The following MED14 variants were observed in gnomAD, a reference collection of about 807,000 sequenced individuals.
MED14 encodes mediator complex subunit 14, also known as mediator of RNA polymerase II transcription subunit 14.
MED14 carries 8 observed loss-of-function variants against 109.0 expected under a neutral mutation model. The observed-to-expected ratio is 0.07, with a 90% CI of 0.04 to 0.13. The LOEUF is 0.13. Ranked by LOEUF, MED14 falls within the 10% of genes least tolerant of loss-of-function variation. MED14 has a pLI of 1.00. For missense variants in MED14, 711 were observed against 1,142.4 expected (o/e 0.62, Z 5.44); for synonymous variants, 399 against 408.7 (o/e 0.98, Z 0.29).
At chrX:40,655,435 A>T (rs1455810127) in intron 28 of MED14, among the ~76,000 whole-genome samples, 1 of 110,936 alleles carries the variant, frequency 9.0e-6, no homozygotes, top group Non-Finnish European at 1.9e-5. Flanking sequence ...CTTCCAGTCC[A>T]TCCTCATACC....
At chrX:40,670,184 C>G (rs1012544627) in intron 23 of MED14, among the ~76,000 whole-genome samples, 1 of 111,852 alleles carries the variant, frequency 8.9e-6, no homozygotes, top group African/African-American at 3.3e-5. Flanking sequence ...TGTGGGATGT[C>G]GAGCAGCCCA....
chrX:40,671,743 A>C lies in MED14; in HGVS notation c.3133+118T>G, dbSNP rs953263094. 1.1e-5 allele frequency: 5 copies of C among 442,950 alleles called. No homozygotes were observed. In the African/African-American group the frequency reaches 1.2e-4, roughly 11 times the overall value. The allele number at this position is 442,950 out of a possible 1,213,427, so 36.5% of individuals were successfully genotyped here. On this transcript the variant is annotated intron_variant, in intron 23 of 30. Transcript: ENST00000324817. ...AGTGACAACTATCTAGCCATAGACT[A>C]GAAAGGGAATTCTCTCTGAAGCCTG...
chrX:40,734,062 G>A (rs1466873408), intron 1 of MED14, among the ~76,000 whole-genome samples: 1 of 112,003 alleles, frequency 8.9e-6, no homozygotes, highest in Non-Finnish European at 1.9e-5. Context: ...ACCACCGATA[G>A]CAGCAGTTTT....
intron 3 of MED14, among the ~76,000 whole-genome samples, chrX:40,720,552 C>A (rs781707284): frequency 9.0e-6 from 1 of 111,556 alleles, no homozygotes; most frequent in African/African-American, 3.3e-5. Context: ...CCTAGGTAAA[C>A]ATGAAAGGCT....
In MED14 at chrX:40,682,505, T is replaced by C. The variant is rs184025031; in HGVS notation, c.2365+98A>G. On this transcript the variant is annotated intron_variant, in intron 18 of 30. Transcript: ENST00000324817. ...GTTTTATTAGATATACTTTGATTTT[T>C]TTGCTTGGAACACTGTGCATGTTTC... The C allele has an allele frequency of 2.2e-3, 1,535 of 692,518 alleles. 19 individuals are homozygous for C. The African/African-American group carries it at 0.03, about 14-fold the overall frequency. 57.1% of individuals were successfully genotyped at this position (692,518 alleles called of 1,213,427 possible). A position where few individuals can be genotyped will look rare whatever the true frequency, so the allele number is the denominator to read the frequency against.
intron 21 of MED14, among the ~76,000 whole-genome samples, chrX:40,676,039 A>T (rs770452010): frequency 8.9e-6 from 1 of 112,518 alleles, no homozygotes; most frequent in South Asian, 3.6e-4. Context: ...TCATGCCTAT[A>T]ATCGCAGCAC....
chrX:40,675,517 G>A (rs747013949), intron 21 of MED14, among the ~76,000 whole-genome samples, 156 bp from the exon 22 acceptor site: 6 of 111,955 alleles, frequency 5.4e-5, no homozygotes, highest in Admixed American at 9.4e-5. Flanking sequence ...ATTTTGAAGC[G>A]GGAAACTGAG....
chrX:40,698,558 T>C (rs935858251), intron 12 of MED14, among the ~76,000 whole-genome samples: 11 of 112,478 alleles, frequency 9.8e-5, no homozygotes, highest in African/African-American at 3.5e-4. Flanking sequence ...TTGATTCTAA[T>C]AAAAAACATT....
At position 40,651,091 on chromosome X, in the gene MED14, T is replaced by C; in HGVS notation, c.*715A>G. 1.3e-6 allele frequency: 1 copy of C among 749,810 alleles called. No homozygotes were observed. Among genetic ancestry groups the C allele is most frequent in the Non-Finnish European group, 1.6e-6 (1 of 635,238 alleles). 61.8% of individuals were successfully genotyped at this position (749,810 alleles called of 1,213,427 possible). ...AACCAAGGTGCTAAATGTTAACCAC[T>C]AGTCAAGTTAGGAATGTCTGAAGAA... On this transcript the variant is annotated 3_prime_UTR_variant, in exon 31 of 31. Coordinates refer to ENST00000324817, the MANE Select transcript of MED14 (RefSeq NM_004229.4).
chrX:40,664,891 G>T (rs757294927), intron 24 of MED14, among the ~76,000 whole-genome samples: 1 of 111,167 alleles, frequency 9.0e-6, no homozygotes, highest in South Asian at 3.8e-4. Flanking sequence ...ATGAGGAGAA[G>T]GAAATTTTCC....
chrX:40,735,674 G>A, upstream of MED14: 1 of 483,422 alleles, frequency 2.1e-6, no homozygotes, highest in South Asian at 2.5e-5. Context: ...GGGAAGCTGC[G>A]CCTCCGCAAA....
At chrX:40,720,202 T>G (rs1204033833) in intron 3 of MED14, among the ~76,000 whole-genome samples, 1 of 112,453 alleles carries the variant, frequency 8.9e-6, no homozygotes, top group Admixed American at 9.4e-5. Context: ...AGAAAAGCAC[T>G]GTTACAAAAA....
intron 2 of MED14, 83 bp downstream of exon 2, chrX:40,729,236 C>A: frequency 1.0e-6 from 1 of 967,828 alleles, no homozygotes; most frequent in Non-Finnish European, 1.4e-6. Context: ...CAATCCACAG[C>A]CCTACACCAC....
rs564778988 is a variant in MED14, at chrX:40,658,965, T to C, written c.3972+262A>G. The stretch of plus-strand genomic sequence containing the variant: ...GTAACTCTGGTTGGCCAGAAGACAG[T>C]TGGACAGGGATAGAGGGGACAGGGA... On this transcript the variant is annotated intron_variant, in intron 28 of 30. Coordinates refer to ENST00000324817, the MANE Select transcript of MED14 (RefSeq NM_004229.4). Among the ~76,000 whole-genome samples the C allele has an allele frequency of 2.7e-4, 30 of 111,695 alleles. No individual in the cohort carries two copies. In the South Asian group the frequency reaches 9.9e-3, roughly 37 times the overall value.
At chrX:40,718,396 C>A (rs1374773171) in intron 3 of MED14, among the ~76,000 whole-genome samples, 2 of 112,231 alleles carry the variant, frequency 1.8e-5, no homozygotes, top group African/African-American at 6.5e-5. Flanking sequence ...ATGCATCAAC[C>A]CTACTGGGAT....
chrX:40,675,210 C>T lies in MED14; in HGVS notation c.3021+11G>A, dbSNP rs757371385. Reference sequence around the variant, plus strand: ...AATGTGATACCACTTGGAATTCTGGCTAGATATTACCTGTTGCTGGGGTGG... The same window carrying T: ...AATGTGATACCACTTGGAATTCTGGTTAGATATTACCTGTTGCTGGGGTGG... On this transcript the variant is annotated intron_variant, in intron 22 of 30. Coordinates refer to ENST00000324817, the MANE Select transcript of MED14 (RefSeq NM_004229.4). 5.8e-5 allele frequency: 67 copies of T among 1,150,833 alleles called. No homozygotes were observed. The highest frequency in any genetic ancestry group is 4.5e-5 in the Non-Finnish European group (39 of 867,567). 94.8% of individuals were successfully genotyped at this position (1,150,833 alleles called of 1,213,427 possible).
chrX:40,712,653 C>G (rs1285413434), intron 6 of MED14, among the ~76,000 whole-genome samples: 1 of 110,909 alleles, frequency 9.0e-6, no homozygotes, highest in African/African-American at 3.3e-5. Flanking sequence ...ACCTCCCAAC[C>G]CCAGCCTCCC....
At chrX:40,709,668 T>G (rs1931266380) in intron 9 of MED14, among the ~76,000 whole-genome samples, 1 of 112,165 alleles carries the variant, frequency 8.9e-6, no homozygotes, top group Admixed American at 9.5e-5. Flanking sequence ...TTAAAAACTA[T>G]AGTTAACATT....
intron 15 of MED14, among the ~76,000 whole-genome samples, chrX:40,691,967 A>G (rs1347661380): frequency 9.0e-6 from 1 of 110,914 alleles, no homozygotes; most frequent in African/African-American, 3.3e-5. Flanking sequence ...AAAGAGCAGA[A>G]GACCCAGAAT....
Sources: allele counts gnomAD v4.1 joint callset (sites outside exome capture counted in the v4.1 genomes callset), GRCh38; gene constraint gnomAD v4.1.1; transcripts MANE v1.5; gene names NCBI Gene and HGNC (gene_info 2026-07-23, HGNC 2026-07-21).